Variants in GPC5 observed in about 807,000 individuals in gnomAD.
GPC5 encodes glypican-5.
GPC5 carries 47 observed loss-of-function variants against 53.9 expected under a neutral mutation model. The observed-to-expected ratio is 0.87, with a 90% CI of 0.69 to 1.11. The LOEUF (loss-of-function observed/expected upper bound fraction) is 1.11, where lower values mean the gene tolerates loss of function less well. GPC5 is among the 50% of genes most tolerant of loss of function. The pLI is 0.00. For synonymous variants in GPC5, 286 were observed against 263.3 expected (o/e 1.09, Z -0.84); for missense variants, 748 against 713.1 (o/e 1.05, Z -0.56).
At chr13:91,854,111 A>C (rs2038942343) in intron 5 of GPC5, among the ~76,000 whole-genome samples, 1 of 131,772 alleles carries the variant, frequency 7.6e-6, no homozygotes, top group Non-Finnish European at 1.7e-5. Context: ...TCTATGAGCA[A>C]GTAGGAAAAA....
chr13:92,388,978 A>G (rs1874869934), intron 7 of GPC5, among the ~76,000 whole-genome samples: 1 of 152,096 alleles, frequency 6.6e-6, no homozygotes, highest in African/African-American at 2.4e-5. Context: ...ATATTCTGTG[A>G]AGTTGTTTAT....
intron 6 of GPC5, among the ~76,000 whole-genome samples, chr13:92,111,620 AGTGCTATAGCAAG>A (rs1326463443): frequency 1.3e-5 from 2 of 152,192 alleles, no homozygotes; most frequent in Non-Finnish European, 2.9e-5. Context: ...CTATCGCATA[AGTGCTATAGCAAG>A]GTGCTACACA....
chr13:92,200,231 T>C (rs1205366063), intron 7 of GPC5, among the ~76,000 whole-genome samples: 6 of 152,138 alleles, frequency 3.9e-5, no homozygotes, highest in African/African-American at 1.4e-4. Context: ...CAGAATAAAA[T>C]TAAGAGGAAA....
Position 92,523,348 on chromosome 13 carries a change from T to C in GPC5, c.1562-342934T>C, listed in dbSNP as rs181223960. On this transcript the variant is annotated intron_variant, in intron 7 of 7. Transcript: ENST00000377067. ...GTCATATGCTGTTTAGATTAACATT[T>C]TAGAACATAGTTACTTAATCTATCC... Among the ~76,000 whole-genome samples the C allele has an allele frequency of 5.5e-4, 84 of 152,258 alleles. 1 individual carries two copies. The highest frequency in any genetic ancestry group is 1.5e-5 in the Non-Finnish European group (1 of 67,982).
chr13:92,330,573 A>G (rs181573535), intron 7 of GPC5, among the ~76,000 whole-genome samples: 308 of 152,266 alleles, frequency 2.0e-3, no homozygotes, highest in Admixed American at 3.9e-3. Flanking sequence ...ACCTGGCAAG[A>G]GTAGAATCAG....
intron 7 of GPC5, among the ~76,000 whole-genome samples, chr13:92,825,984 A>AGAGTG (rs1287173959): frequency 3.9e-5 from 6 of 152,118 alleles, no homozygotes; most frequent in Non-Finnish European, 8.8e-5. Context: ...TGAGGGACTT[A>AGAGTG]GAGTGCTTCC....
At chr13:91,557,065 C>T (rs904798183) in intron 2 of GPC5, among the ~76,000 whole-genome samples, 9 of 151,972 alleles carry the variant, frequency 5.9e-5, no homozygotes, top group Non-Finnish European at 2.9e-5. Flanking sequence ...GGCTAAATAC[C>T]CAAGAGGAGA....
chr13:91,983,415 C>G (rs1156609121), intron 6 of GPC5, among the ~76,000 whole-genome samples: 1 of 152,000 alleles, frequency 6.6e-6, no homozygotes. Context: ...GTGGCAAGAG[C>G]TTCCTGGTCA....
intron 5 of GPC5, among the ~76,000 whole-genome samples, chr13:91,897,335 C>CTGTGTG (rs34783532): frequency 0.029 from 3,980 of 139,360 alleles, 161 homozygotes; most frequent in East Asian, 0.21. Flanking sequence ...ATAGAGAATG[C>CTGTGTG]TGTGTGTGTG....
At position 92,174,593 on chromosome 13, in the gene GPC5, T is replaced by A. The variant is rs184025989; in HGVS notation, c.1561+29604T>A. On this transcript the variant is annotated intron_variant, in intron 7 of 7. Transcript: ENST00000377067. Reference sequence around the variant, plus strand: ...ACAAAAAAAACAAAATTTAAATAACTCATTACTTCATTCATACATTTATCC... The same window carrying A: ...ACAAAAAAAACAAAATTTAAATAACACATTACTTCATTCATACATTTATCC... Among the ~76,000 whole-genome samples the A allele has an allele frequency of 3.4e-4, 52 of 151,568 alleles. 1 individual carries two copies. In the East Asian group the frequency reaches 7.0e-3, roughly 20 times the overall value.
chr13:91,842,952 T>C (rs2038806480), intron 5 of GPC5, among the ~76,000 whole-genome samples: 1 of 152,174 alleles, frequency 6.6e-6, no homozygotes, highest in South Asian at 2.1e-4. Context: ...ATTGTCTTTT[T>C]TGTTACGAGT....
intron 2 of GPC5, among the ~76,000 whole-genome samples, chr13:91,657,828 A>G (rs2034885056): frequency 2.0e-5 from 3 of 152,088 alleles, no homozygotes; most frequent in Non-Finnish European, 4.4e-5. Flanking sequence ...ATATAGAAAG[A>G]CTCAGTTACG....
In GPC5 at chr13:91,719,199, C is replaced by A. The variant is rs75242435; in HGVS notation, c.1021-9333C>A. ...TTGATTAAGGTCAATAGCACGTGTT[C>A]TAGAATCTGCAGTTGCCCGTTTGCT... is the stretch of plus-strand genomic sequence containing the variant. On this transcript the variant is annotated intron_variant, in intron 3 of 7. Transcript: ENST00000377067. Among the ~76,000 whole-genome samples, 1,006 of 152,324 alleles carry A rather than the reference C, an allele frequency of 6.6e-3. 57 individuals are homozygous for A. Among genetic ancestry groups the A allele is most frequent in the Admixed American group, 0.059 (904 of 15,296 alleles).
chr13:91,572,201 GTA>G lies in GPC5; in HGVS notation c.326-120979_326-120978del, dbSNP rs778254183. Among the ~76,000 whole-genome samples the G allele has an allele frequency of 4.1e-3, 510 of 123,950 alleles. 20 individuals carry two copies. Among genetic ancestry groups the G allele is most frequent in the African/African-American group, 0.016 (481 of 30,978 alleles). 81.3% of individuals were successfully genotyped at this position (123,950 alleles called of 152,430 possible). On this transcript the variant is annotated intron_variant, in intron 2 of 7. Coordinates refer to ENST00000377067, the MANE Select transcript of GPC5 (RefSeq NM_004466.6). ...TATACGTGTGTATACACACACATAT[GTA>G]TATATACGTGTATATATATACACAT... is the stretch of plus-strand genomic sequence containing the variant.
In GPC5 at chr13:92,343,613, C is replaced by T. The variant is rs567825984; in HGVS notation, c.1561+198624C>T. ...ATAATTATCTTGATTTATAATAATG[C>T]CTTATATTTTTAAAGTGGACAGAGC... On this transcript the variant is annotated intron_variant, in intron 7 of 7. Transcript: ENST00000377067. Among the ~76,000 whole-genome samples, 376 of 151,900 alleles carry T rather than the reference C, an allele frequency of 2.5e-3. 1 individual carries two copies. The highest frequency in any genetic ancestry group is 8.9e-3 in the African/African-American group (367 of 41,458).
intron 6 of GPC5, among the ~76,000 whole-genome samples, chr13:92,077,382 TA>T (rs2041260354): frequency 6.6e-6 from 1 of 152,158 alleles, no homozygotes; most frequent in Admixed American, 6.5e-5. Flanking sequence ...AGTAGTGAGG[TA>T]ACAGACTTTT....
rs547924267 is a variant in GPC5, at chr13:91,738,830, A to G, written c.1154+10165A>G. Among the ~76,000 whole-genome samples, 18 of 151,414 alleles carry G rather than the reference A, an allele frequency of 1.2e-4. No individual in the cohort carries two copies. In the South Asian group the frequency reaches 3.3e-3, roughly 28 times the overall value. On this transcript the variant is annotated intron_variant, in intron 4 of 7. Transcript: ENST00000377067. The stretch of plus-strand genomic sequence containing the variant: ...TTTTTTTATGCTATTTTACCAACAA[A>G]TAGCTTACTCTTACCAATATTTTCA...
intron 5 of GPC5, among the ~76,000 whole-genome samples, chr13:91,861,990 G>C (rs947894234): frequency 4.0e-5 from 6 of 151,448 alleles, no homozygotes; most frequent in African/African-American, 1.5e-4. Context: ...GATTGTTTTA[G>C]TATAAATTTT....
intron 2 of GPC5, among the ~76,000 whole-genome samples, chr13:91,528,445 T>A (rs1001197636): frequency 6.6e-6 from 1 of 152,212 alleles, no homozygotes; most frequent in Non-Finnish European, 1.5e-5. Context: ...CTCATCTCCA[T>A]CTGACACCAC....
Sources: allele counts gnomAD v4.1 joint callset (sites outside exome capture counted in the v4.1 genomes callset), GRCh38; gene constraint gnomAD v4.1.1; transcripts MANE v1.5; gene names NCBI Gene and HGNC (gene_info 2026-07-23, HGNC 2026-07-21).